GBE1: variants seen among roughly 807,000 people sequenced by gnomAD.
GBE1 encodes the protein 1,4-alpha-glucan branching enzyme 1, also known as 1,4-alpha-glucan-branching enzyme.
Under a neutral mutation model 88.8 loss-of-function variants are expected in GBE1, and 70 were observed. The observed-to-expected ratio is 0.79, with a 90% CI of 0.65 to 0.96. GBE1 has a LOEUF of 0.96. GBE1 is among the 40% of genes least tolerant of loss of function. The pLI, the probability that GBE1 is intolerant of heterozygous loss-of-function variation, is 0.00. For synonymous variants in GBE1, 284 were observed against 300.1 expected, an observed-to-expected ratio of 0.95 and a Z score of 0.56; for missense variants, 872 against 871.0, an observed-to-expected ratio of 1.00 and a Z score of -0.01.
chr3:81,602,631 A>T (rs2106971897), intron 7 of GBE1, among the ~76,000 whole-genome samples: 1 of 152,242 alleles, frequency 6.6e-6, no homozygotes, highest in African/African-American at 2.4e-5. Context: ...GAGCCCTCCC[A>T]AAGGCCCCAC....
chr3:81,727,023 T>A (rs180691001), intron 1 of GBE1, among the ~76,000 whole-genome samples: 1 of 152,144 alleles, frequency 6.6e-6, no homozygotes, highest in East Asian at 1.9e-4. Flanking sequence ...GAGGAGGGTA[T>A]GGGGTCCTGT....
At chr3:81,576,038 C>A (rs1346065437) in intron 12 of GBE1, among the ~76,000 whole-genome samples, 2 of 151,972 alleles carry the variant, frequency 1.3e-5, no homozygotes, top group African/African-American at 2.4e-5. Flanking sequence ...AAGCCTTAAT[C>A]ATTCTTTGTT....
intron 15 of GBE1, among the ~76,000 whole-genome samples, chr3:81,492,931 T>C (rs1305460814): frequency 6.6e-6 from 1 of 152,080 alleles, no homozygotes; most frequent in Non-Finnish European, 1.5e-5. Flanking sequence ...AGAGATGAGG[T>C]TTCTGCATGT....
intron 2 of GBE1, among the ~76,000 whole-genome samples, chr3:81,673,304 G>GTTCA (rs1270076731): frequency 6.6e-5 from 10 of 151,862 alleles, no homozygotes; most frequent in East Asian, 3.8e-4. Context: ...TAGTTCGTTA[G>GTTCA]TTCATTCATT....
chr3:81,726,526 A>T (rs538622410), intron 1 of GBE1, among the ~76,000 whole-genome samples: 1 of 151,662 alleles, frequency 6.6e-6, no homozygotes, highest in East Asian at 1.9e-4. Context: ...TAAATGGTGT[A>T]TCTTATTGTA....
intron 12 of GBE1, among the ~76,000 whole-genome samples, chr3:81,561,264 T>C (rs1190031702): frequency 6.6e-6 from 1 of 152,036 alleles, no homozygotes; most frequent in Non-Finnish European, 1.5e-5. Flanking sequence ...TGATTCAAAC[T>C]TGTACAGTCA....
intron 14 of GBE1, among the ~76,000 whole-genome samples, chr3:81,512,440 T>G (rs1702738441): frequency 6.6e-6 from 1 of 151,876 alleles, no homozygotes; most frequent in Non-Finnish European, 1.5e-5. Flanking sequence ...CATTCATCTG[T>G]GCTTTTGAGT....
intron 2 of GBE1, among the ~76,000 whole-genome samples, chr3:81,702,024 A>T (rs888353726): frequency 6.6e-6 from 1 of 151,338 alleles, no homozygotes; most frequent in African/African-American, 2.4e-5. Flanking sequence ...TTGCTCAACT[A>T]TTATTAGGAA....
chr3:81,537,519 T>C (rs896594244), intron 12 of GBE1, among the ~76,000 whole-genome samples: 4 of 152,050 alleles, frequency 2.6e-5, no homozygotes, highest in African/African-American at 7.2e-5. Flanking sequence ...TTTTTGATCC[T>C]CAAAGGAACT....
intron 9 of GBE1, among the ~76,000 whole-genome samples, chr3:81,586,551 T>G (rs936987895): frequency 1.3e-5 from 2 of 152,238 alleles, no homozygotes; most frequent in Non-Finnish European, 2.9e-5. Context: ...ACATGTGGCA[T>G]AAATCTGTTA....
intron 14 of GBE1, among the ~76,000 whole-genome samples, chr3:81,521,135 A>C (rs1322132909): frequency 6.6e-6 from 1 of 151,534 alleles, no homozygotes; most frequent in Non-Finnish European, 1.5e-5. Context: ...GTGAAAATTG[A>C]TGTCTTGCTA....
At chr3:81,758,175 CA>C (rs1318894535) in intron 1 of GBE1, among the ~76,000 whole-genome samples, 1 of 152,206 alleles carries the variant, frequency 6.6e-6, no homozygotes, top group Non-Finnish European at 1.5e-5. Context: ...TTAGTTTCTT[CA>C]TCTGCAAAAC....
intron 2 of GBE1, among the ~76,000 whole-genome samples, chr3:81,671,317 T>C (rs1705186441): frequency 1.3e-5 from 2 of 152,074 alleles, no homozygotes; most frequent in African/African-American, 4.8e-5. Context: ...CAAATGTACA[T>C]GCCATGGTAG....
chr3:81,508,711 C>A (rs1702686894), intron 14 of GBE1, among the ~76,000 whole-genome samples: 1 of 152,108 alleles, frequency 6.6e-6, no homozygotes, highest in South Asian at 2.1e-4. Context: ...TAAAGACAAT[C>A]ATAAGCAGTA....
intron 3 of GBE1, among the ~76,000 whole-genome samples, chr3:81,663,230 C>A (rs762116968): frequency 6.6e-6 from 1 of 152,156 alleles, no homozygotes; most frequent in Non-Finnish European, 1.5e-5. Flanking sequence ...TTTCCAATAC[C>A]ACCCTGGCCC....
chr3:81,706,339 C>G (rs893923325), intron 1 of GBE1, among the ~76,000 whole-genome samples: 1 of 152,174 alleles, frequency 6.6e-6, no homozygotes, highest in Non-Finnish European at 1.5e-5. Flanking sequence ...GGGCAAAGAA[C>G]AGCACATGCC....
intron 7 of GBE1, among the ~76,000 whole-genome samples, chr3:81,597,684 A>AG (rs1378874447): frequency 1.4e-5 from 2 of 145,352 alleles, no homozygotes; most frequent in Non-Finnish European, 3.0e-5. Flanking sequence ...TGTAATATCC[A>AG]GAAAAAAAAT....
rs76393512 is a variant in GBE1 at position 81,699,654 on chromosome 3, G to A, written c.313+5790C>T. ...CAGCATGGGAGAAAGATGTAGGCTG[G>A]GAAACTAGGCCCTTATCTTTTTCAA... is the stretch of plus-strand genomic sequence containing the variant. On this transcript the variant is annotated intron_variant, in intron 2 of 15. Transcript: ENST00000429644. Among the ~76,000 whole-genome samples the A allele has an allele frequency of 4.7e-3, 712 of 152,176 alleles. 2 individuals carry two copies. Among genetic ancestry groups the A allele is most frequent in the African/African-American group, 0.016 (684 of 41,502 alleles).
At chr3:81,557,830 A>G (rs922524264) in intron 12 of GBE1, among the ~76,000 whole-genome samples, 1 of 152,068 alleles carries the variant, frequency 6.6e-6, no homozygotes, top group Non-Finnish European at 1.5e-5. Context: ...AACTGAGGAG[A>G]AGGAGTCTGT....
Sources: gnomAD v4.1 joint callset for allele counts (sites outside exome capture counted in the v4.1 genomes callset) on GRCh38, gnomAD v4.1.1 for gene constraint, MANE v1.5 for transcripts, NCBI Gene and HGNC (gene_info 2026-07-23, HGNC 2026-07-21) for gene names.